RYR3: variants seen among roughly 807,000 people sequenced by gnomAD.
RYR3 encodes the protein ryanodine receptor 3.
A neutral mutation model predicts 584.3 loss-of-function variants in RYR3; 207 were observed. The observed-to-expected ratio is 0.35, with a 90% CI of 0.32 to 0.40. The LOEUF is 0.40. RYR3 is among the 10% of genes least tolerant of loss of function. RYR3 has a pLI of 1.00. For synonymous variants in RYR3, 2,416 were observed against 2,248.5 expected (o/e 1.07, Z -2.11); for missense variants, 5,616 against 6,089.2 (o/e 0.92, Z 2.59).
chr15:33,629,749 A>G, intron 21 of RYR3, 191 bp from the exon 22 acceptor site: 4 of 501,334 alleles, frequency 8.0e-6, no homozygotes, highest in Non-Finnish European at 1.4e-5. Flanking sequence ...AGCACAAACC[A>G]CTGGCAACTT....
rs10647466 is a variant in RYR3, at chr15:33,450,087, T to TAAAAAAAAAAAAAA, written c.52-23321_52-23308dup. ...TTACTGCGGCTAGAGCATTAATACC[T>TAAAAAAAAAAAAAA]AAAAAAAAAAAAAAAAAAAAAAAAG... is the stretch of plus-strand genomic sequence containing the variant. On this transcript the variant is annotated intron_variant, in intron 1 of 103. Transcript: ENST00000634891. Among the ~76,000 whole-genome samples, 52 of 67,308 alleles carry TAAAAAAAAAAAAAA rather than the reference T, an allele frequency of 7.7e-4. 7 individuals are homozygous for TAAAAAAAAAAAAAA. Among genetic ancestry groups the TAAAAAAAAAAAAAA allele is most frequent in the East Asian group, 3.2e-3 (5 of 1,548 alleles). The allele number at this position is 67,308 out of a possible 152,430, so 44.2% of individuals were successfully genotyped here.
intron 1 of RYR3, among the ~76,000 whole-genome samples, chr15:33,419,104 AAGAAAG>A (rs1301191150): frequency 6.6e-6 from 1 of 152,132 alleles, no homozygotes; most frequent in Non-Finnish European, 1.5e-5. Flanking sequence ...ACCAAGTAGA[AAGAAAG>A]AGATTAGAGA....
intron 1 of RYR3, among the ~76,000 whole-genome samples, chr15:33,345,864 A>T (rs1341135103): frequency 6.6e-6 from 1 of 152,168 alleles, no homozygotes; most frequent in Admixed American, 6.5e-5. Flanking sequence ...CATTCCATCC[A>T]CCCAGTAAAG....
chr15:33,441,494 G>T (rs938383243), intron 1 of RYR3, among the ~76,000 whole-genome samples: 2 of 152,160 alleles, frequency 1.3e-5, no homozygotes, highest in African/African-American at 4.8e-5. Flanking sequence ...GGGAAGATAG[G>T]TGGGGAGTTG....
At chr15:33,499,864 C>A (rs1034929396) in intron 2 of RYR3, among the ~76,000 whole-genome samples, 1 of 152,214 alleles carries the variant, frequency 6.6e-6, no homozygotes, top group Admixed American at 6.5e-5. Flanking sequence ...GACACACCTA[C>A]AAGGTGTATC....
At chr15:33,507,459 T>G (rs781311509) in intron 3 of RYR3, among the ~76,000 whole-genome samples, 11 of 152,220 alleles carry the variant, frequency 7.2e-5, no homozygotes, top group Non-Finnish European at 1.5e-4. Context: ...TCCTATGTAA[T>G]TTTATTCTGG....
chr15:33,457,804 A>G (rs1024163881), intron 1 of RYR3, among the ~76,000 whole-genome samples: 1 of 152,210 alleles, frequency 6.6e-6, no homozygotes. Context: ...CATACAACAT[A>G]TGTATTGAAA....
chr15:33,681,750 A>C (rs1199274704), intron 38 of RYR3, among the ~76,000 whole-genome samples: 1 of 152,178 alleles, frequency 6.6e-6, no homozygotes, highest in Admixed American at 6.5e-5. Flanking sequence ...ATTGCTTTCT[A>C]AGTGTAACCT....
At chr15:33,661,562 G>C (rs919914056) in intron 34 of RYR3, among the ~76,000 whole-genome samples, 15 of 151,970 alleles carry the variant, frequency 9.9e-5, no homozygotes, top group African/African-American at 3.1e-4. Context: ...GCTGGGGGAG[G>C]GGGTAGAGGG....
intron 1 of RYR3, among the ~76,000 whole-genome samples, chr15:33,383,129 G>A (rs140217471): frequency 1.3e-5 from 2 of 151,846 alleles, no homozygotes; most frequent in Non-Finnish European, 2.9e-5. Context: ...GTTGGAGACT[G>A]TTGCAGGGAT....
intron 1 of RYR3, among the ~76,000 whole-genome samples, chr15:33,397,920 A>G (rs1327962806): frequency 6.6e-6 from 1 of 152,174 alleles, no homozygotes; most frequent in Non-Finnish European, 1.5e-5. Flanking sequence ...ATGGCCAGAA[A>G]TTCAGTTTTT....
chr15:33,860,530 C>A, intron 100 of RYR3, 65 bp from the exon 101 acceptor site: 2 of 944,258 alleles, frequency 2.1e-6, no homozygotes, highest in South Asian at 2.1e-5. Context: ...TAGCTTCTTC[C>A]TTTATCATTC....
At chr15:33,700,414 TAATACACA>T (rs2066215710) in intron 41 of RYR3, among the ~76,000 whole-genome samples, 1 of 152,272 alleles carries the variant, frequency 6.6e-6, no homozygotes, top group African/African-American at 2.4e-5. Flanking sequence ...TGAATGTGTG[TAATACACA>T]AATACTTGCA....
At chr15:33,574,224 T>C (rs2058180474) in intron 12 of RYR3, among the ~76,000 whole-genome samples, 1 of 152,228 alleles carries the variant, frequency 6.6e-6, no homozygotes, top group Non-Finnish European at 1.5e-5. Context: ...CTTGCTGTCA[T>C]CTTTTCCTAT....
At chr15:33,617,615 G>A (rs2060518434) in intron 19 of RYR3, among the ~76,000 whole-genome samples, 2 of 152,098 alleles carry the variant, frequency 1.3e-5, no homozygotes, top group African/African-American at 4.8e-5. Flanking sequence ...TGGCTTCTAA[G>A]TTAGACTTGA....
chr15:33,701,446 A>G (rs1250495254), intron 42 of RYR3, among the ~76,000 whole-genome samples: 1 of 152,184 alleles, frequency 6.6e-6, no homozygotes, highest in Non-Finnish European at 1.5e-5. Flanking sequence ...AATACTGTAT[A>G]ATCAGTGTCC....
At chr15:33,563,066 G>A (rs2057499077) in intron 11 of RYR3, 56 bp downstream of exon 11, 1 of 1,390,784 alleles carries the variant, frequency 7.2e-7, no homozygotes, top group Admixed American at 2.1e-5. Flanking sequence ...AAGCAACTAG[G>A]CAATAGAAGT....
intron 96 of RYR3, 74 bp from the exon 97 acceptor site, chr15:33,854,315 A>G: frequency 7.9e-7 from 1 of 1,264,080 alleles, no homozygotes; most frequent in Non-Finnish European, 1.1e-6. Flanking sequence ...GAAAAAACTT[A>G]CTTTTTCCCC....
intron 1 of RYR3, among the ~76,000 whole-genome samples, chr15:33,312,629 G>C (rs1967502366): frequency 6.6e-6 from 1 of 152,082 alleles, no homozygotes; most frequent in Non-Finnish European, 1.5e-5. Flanking sequence ...TGGCAGCTCA[G>C]GTTTTTTCTG....
Sources: allele counts gnomAD v4.1 joint callset (sites outside exome capture counted in the v4.1 genomes callset), GRCh38; gene constraint gnomAD v4.1.1; transcripts MANE v1.5; gene names NCBI Gene and HGNC (gene_info 2026-07-23, HGNC 2026-07-21).